The following IGF1 variants were observed in gnomAD, a reference collection of about 807,000 sequenced individuals.
The protein encoded by IGF1 is insulin like growth factor 1, also known as insulin-like growth factor 1.
A neutral mutation model predicts 13.8 loss-of-function variants in IGF1; 4 were observed. That is an observed-to-expected ratio of 0.29 (90% CI 0.14 to 0.66). The LOEUF is 0.66. Among genes scored for constraint, IGF1 ranks in the 30% least tolerant of loss-of-function variants. The pLI is 0.78. For synonymous variants in IGF1, 76 were observed against 72.6 expected (o/e 1.05, Z -0.23); for missense variants, 124 against 188.5 (o/e 0.66, Z 2.00).
intron 2 of IGF1, among the ~76,000 whole-genome samples, chr12:102,473,483 CT>C (rs918456739): frequency 1.1e-4 from 17 of 152,158 alleles, no homozygotes; most frequent in Admixed American, 6.5e-5. Context: ...AGCAAGAATA[CT>C]TTTGGGCATG....
intron 2 of IGF1, among the ~76,000 whole-genome samples, chr12:102,452,368 C>A (rs1879041028): frequency 6.7e-6 from 1 of 149,172 alleles, no homozygotes; most frequent in African/African-American, 2.4e-5. Context: ...AATTAAACCT[C>A]TTTTCTTTAT....
chr12:102,411,562 G>C (rs530537781), intron 3 of IGF1, among the ~76,000 whole-genome samples: 2 of 152,250 alleles, frequency 1.3e-5, no homozygotes, highest in South Asian at 4.2e-4. Context: ...CCATTTGGCC[G>C]GTTTGGGTTT....
intron 2 of IGF1, among the ~76,000 whole-genome samples, chr12:102,464,739 A>G (rs1880179035): frequency 6.6e-6 from 1 of 152,090 alleles, no homozygotes; most frequent in African/African-American, 2.4e-5. Context: ...GCCATTCTCA[A>G]ACAAAAAAAT....
chr12:102,460,418 T>C (rs888713600), intron 2 of IGF1, among the ~76,000 whole-genome samples: 1 of 152,148 alleles, frequency 6.6e-6, no homozygotes, highest in Non-Finnish European at 1.5e-5. Flanking sequence ...GACTCAAGCC[T>C]GCAGTTGTAT....
chr12:102,447,529 A>G (rs1342193504), intron 2 of IGF1, among the ~76,000 whole-genome samples: 1 of 152,098 alleles, frequency 6.6e-6, no homozygotes, highest in Non-Finnish European at 1.5e-5. Context: ...TTTATCAGAG[A>G]CTAGGATTGC....
At chr12:102,481,579 C>T (rs2137308711), upstream of IGF1, 1 of 152,216 alleles carries the variant, frequency 6.6e-6, no homozygotes, top group African/African-American at 2.4e-5. Flanking sequence ...TTGCCTTTGC[C>T]ATTGAGAATT....
chr12:102,423,027 A>G (rs1403242630), intron 2 of IGF1: 1 of 152,170 alleles, frequency 6.6e-6, no homozygotes, highest in African/African-American at 2.4e-5. Flanking sequence ...GAAGATTCCT[A>G]TGTTGAACAC....
At chr12:102,444,102 C>G (rs1031770341) in intron 2 of IGF1, among the ~76,000 whole-genome samples, 4 of 151,988 alleles carry the variant, frequency 2.6e-5, no homozygotes, top group Non-Finnish European at 5.9e-5. Context: ...GCTGAGATTA[C>G]AGGCATGAGC....
chr12:102,453,967 G>A (rs1879169689), intron 2 of IGF1, among the ~76,000 whole-genome samples: 1 of 152,198 alleles, frequency 6.6e-6, no homozygotes, highest in East Asian at 1.9e-4. Flanking sequence ...GCTTAAAACA[G>A]TGTCATGCAT....
At chr12:102,464,007 C>G (rs2137212258) in intron 2 of IGF1, among the ~76,000 whole-genome samples, 1 of 152,316 alleles carries the variant, frequency 6.6e-6, no homozygotes, top group African/African-American at 2.4e-5. Context: ...CAAATAGAAA[C>G]CACTTGTAGT....
chr12:102,402,364 T>C lies in IGF1; in HGVS notation c.*143A>G. The C allele has an allele frequency of 1.3e-6, 1 of 759,456 alleles. No individual in the cohort carries two copies. Among genetic ancestry groups the C allele is most frequent in the Non-Finnish European group, 2.5e-6 (1 of 407,794 alleles). 47.0% of individuals were successfully genotyped at this position (759,456 alleles called of 1,614,324 possible). A position where few individuals can be genotyped will look rare whatever the true frequency, so the allele number is the denominator to read the frequency against. Reference sequence around the variant, plus strand: ...AAGACAATGTTGGAATGTTTACTTGTGTATTTCATTGGGGGAAACGCCCAT... The same window carrying C: ...AAGACAATGTTGGAATGTTTACTTGCGTATTTCATTGGGGGAAACGCCCAT... On this transcript the variant is annotated 3_prime_UTR_variant, in exon 4 of 4. Coordinates refer to ENST00000337514, the MANE Select transcript of IGF1 (RefSeq NM_000618.5).
rs1565953900 is a variant in IGF1 at position 102,397,279 on chromosome 12, C to G, written c.*5228G>C. ...GGTTCCTTTAATTCTAGAGTTTCAG[C>G]TTGGTCAGCCCTCTATAAAATTCTG... On this transcript the variant is annotated 3_prime_UTR_variant, in exon 4 of 4. Coordinates refer to ENST00000337514, the MANE Select transcript of IGF1 (RefSeq NM_000618.5). 2 of 152,678 alleles carry G rather than the reference C, an allele frequency of 1.3e-5. No homozygotes were observed. The allele number at this position is 152,678 out of a possible 1,614,324, so 9.5% of individuals were successfully genotyped here.
At chr12:102,476,671 T>A (rs1394563218) in intron 1 of IGF1, among the ~76,000 whole-genome samples, 1 of 152,214 alleles carries the variant, frequency 6.6e-6, no homozygotes, top group Non-Finnish European at 1.5e-5. Context: ...TTTTATTTTA[T>A]TTTTAGTCAC....
chr12:102,452,998 G>A (rs1481299205), intron 2 of IGF1, among the ~76,000 whole-genome samples: 1 of 152,204 alleles, frequency 6.6e-6, no homozygotes, highest in Non-Finnish European at 1.5e-5. Flanking sequence ...TAAATTGGGT[G>A]TTTTTGAATC....
intron 3 of IGF1, among the ~76,000 whole-genome samples, chr12:102,403,059 A>G (rs890951339): frequency 6.6e-6 from 1 of 152,172 alleles, no homozygotes; most frequent in Non-Finnish European, 1.5e-5. Context: ...CAGAAATCGA[A>G]GATTAGGAAA....
rs527311682 is a variant in IGF1 at position 102,399,386 on chromosome 12, C to A, written c.*3121G>T. ...CTTACCAATGTTTACTGTTCTTTTA[C>A]AAATATCTTGAAATTGCCTCATTCA... On this transcript the variant is annotated 3_prime_UTR_variant, in exon 4 of 4. Transcript: ENST00000337514. The A allele has an allele frequency of 6.6e-6, 1 of 152,456 alleles. No homozygotes were observed. Among genetic ancestry groups the A allele is most frequent in the South Asian group, 2.1e-4 (1 of 4,814 alleles). 9.4% of individuals were successfully genotyped at this position (152,456 alleles called of 1,614,324 possible). A position where few individuals can be genotyped will look rare whatever the true frequency, so the allele number is the denominator to read the frequency against.
At chr12:102,439,019 C>T (rs970615533) in intron 2 of IGF1, among the ~76,000 whole-genome samples, 1 of 152,226 alleles carries the variant, frequency 6.6e-6, no homozygotes, top group South Asian at 2.1e-4. Context: ...ATCTATGAAG[C>T]CAGTAGCCTT....
chr12:102,436,230 T>C (rs2288378), intron 2 of IGF1, among the ~76,000 whole-genome samples: 116,444 of 152,118 alleles, frequency 0.77, 44,633 homozygotes, highest in Admixed American at 0.83. Flanking sequence ...CTGTGTCCTT[T>C]TGAATTCCAG....
In IGF1 at chr12:102,400,460, G is replaced by T. The variant is rs1050059471; in HGVS notation, c.*2047C>A. On this transcript the variant is annotated 3_prime_UTR_variant, in exon 4 of 4. Coordinates refer to ENST00000337514, the MANE Select transcript of IGF1 (RefSeq NM_000618.5). The stretch of plus-strand genomic sequence containing the variant: ...AAAACACATTCACAGAGAGCTAGGG[G>T]CTACCCTTCTGAGCAGGCATGGGAA... 10 of 152,118 alleles carry T rather than the reference G, an allele frequency of 6.6e-5. No homozygotes were observed. Among genetic ancestry groups the T allele is most frequent in the Admixed American group, 1.3e-4 (2 of 15,260 alleles). 9.4% of individuals were successfully genotyped at this position (152,118 alleles called of 1,614,324 possible).
Sources: allele counts gnomAD v4.1 joint callset (sites outside exome capture counted in the v4.1 genomes callset), GRCh38; gene constraint gnomAD v4.1.1; transcripts MANE v1.5; gene names NCBI Gene and HGNC (gene_info 2026-07-23, HGNC 2026-07-21).